GXYLT2: variants seen among roughly 807,000 people sequenced by gnomAD.
GXYLT2 encodes glucoside xylosyltransferase 2, also known as glycosyltransferase 8 domain containing 4.
Under a neutral mutation model 45.8 loss-of-function variants are expected in GXYLT2, and 53 were observed. The observed-to-expected ratio is 1.16, with a 90% confidence interval of 0.93 to 1.46. The LOEUF (loss-of-function observed/expected upper bound fraction) is 1.46, where lower values mean the gene tolerates loss of function less well. Among genes scored for constraint, GXYLT2 ranks in the 40% most tolerant of loss-of-function variants. The pLI is 0.00. For synonymous variants in GXYLT2, 219 were observed against 214.2 expected, an observed-to-expected ratio of 1.02 and a Z score of -0.19; for missense variants, 551 against 544.4, an observed-to-expected ratio of 1.01 and a Z score of -0.12.
At chr3:72,929,347 G>A (rs1314632832) in intron 3 of GXYLT2, 3 of 1,028,506 alleles carry the variant, frequency 2.9e-6, no homozygotes, top group Non-Finnish European at 4.6e-6. Context: ...ATGCGATGGA[G>A]TGTGCATTAC....
chr3:72,931,161 A>G (rs75828716), intron 3 of GXYLT2, among the ~76,000 whole-genome samples: 10 of 152,336 alleles, frequency 6.6e-5, no homozygotes, highest in African/African-American at 9.6e-5. Flanking sequence ...AGTCAATAAC[A>G]GAAAGAAATT....
intron 3 of GXYLT2, among the ~76,000 whole-genome samples, chr3:72,944,852 G>A (rs955514699): frequency 1.3e-5 from 2 of 152,080 alleles, no homozygotes; most frequent in South Asian, 4.1e-4. Flanking sequence ...TAAGGAAGTG[G>A]AATGATGTGC....
At chr3:72,897,170 C>T (rs576760367) in intron 1 of GXYLT2, among the ~76,000 whole-genome samples, 6 of 152,220 alleles carry the variant, frequency 3.9e-5, no homozygotes, top group East Asian at 3.9e-4. Flanking sequence ...TTCAGTTGCA[C>T]GTGATAGAAT....
chr3:72,918,709 G>T lies in GXYLT2; in HGVS notation c.469-3495G>T, dbSNP rs142558248. 2.0e-4 allele frequency among the ~76,000 whole-genome samples: 31 copies of T among 152,072 alleles called. No individual in the cohort carries two copies. In the East Asian group the frequency reaches 5.6e-3, roughly 28 times the overall value. On this transcript the variant is annotated intron_variant, in intron 2 of 6. Transcript: ENST00000389617. The stretch of plus-strand genomic sequence containing the variant: ...GGGCATAGTAGTGCGCGTCTACTCG[G>T]GAGGCTACTCGGGTAGGCTGAGGCA...
chr3:72,927,941 A>G (rs1246692340), intron 3 of GXYLT2, among the ~76,000 whole-genome samples: 1 of 152,246 alleles, frequency 6.6e-6, no homozygotes, highest in East Asian at 1.9e-4. Context: ...AAATTAATTT[A>G]TTGGCTTATC....
chr3:72,930,331 A>G (rs180685365), intron 3 of GXYLT2, among the ~76,000 whole-genome samples: 12 of 147,242 alleles, frequency 8.1e-5, no homozygotes, highest in African/African-American at 3.0e-4. Flanking sequence ...GTGAAACCTC[A>G]TCTCTCCTAA....
chr3:72,914,020 A>G (rs1207969215), intron 2 of GXYLT2, among the ~76,000 whole-genome samples: 1 of 152,164 alleles, frequency 6.6e-6, no homozygotes, highest in East Asian at 1.9e-4. Flanking sequence ...CCACTGGCAC[A>G]TGCTGAAGGG....
chr3:72,928,866 C>G (rs1019162970), intron 3 of GXYLT2, among the ~76,000 whole-genome samples: 1 of 152,198 alleles, frequency 6.6e-6, no homozygotes, highest in Non-Finnish European at 1.5e-5. Context: ...CGCCGGGAGT[C>G]GTCGGGGTTT....
intron 2 of GXYLT2, among the ~76,000 whole-genome samples, chr3:72,909,443 A>G (rs920266972): frequency 6.6e-6 from 1 of 152,028 alleles, no homozygotes; most frequent in African/African-American, 2.4e-5. Context: ...AATTACATAC[A>G]TATGTATGTA....
chr3:72,895,857 G>GC (rs1709280841), intron 1 of GXYLT2, among the ~76,000 whole-genome samples: 1 of 152,132 alleles, frequency 6.6e-6, no homozygotes, highest in Non-Finnish European at 1.5e-5. Context: ...ACTTTTAGAT[G>GC]ATCCCCCATC....
chr3:72,967,438 T>A, intron 5 of GXYLT2, 109 bp from the exon 6 acceptor site: 1 of 835,302 alleles, frequency 1.2e-6, no homozygotes. Flanking sequence ...CTCCTGTACT[T>A]TGAAATTACA....
intron 5 of GXYLT2, among the ~76,000 whole-genome samples, chr3:72,964,601 G>A (rs937668045): frequency 2.0e-5 from 3 of 152,300 alleles, no homozygotes; most frequent in South Asian, 2.1e-4. Flanking sequence ...GATTACAGGC[G>A]TGAGCCATTG....
In GXYLT2 at chr3:72,915,363, G is replaced by C. The variant is rs1276676245; in HGVS notation, c.468+6804G>C. On this transcript the variant is annotated intron_variant, in intron 2 of 6. Coordinates refer to ENST00000389617, the MANE Select transcript of GXYLT2 (RefSeq NM_001080393.2). The stretch of plus-strand genomic sequence containing the variant: ...CTTTTTTTTTTTTTTTTGCGGGGGG[G>C]GGGGGGATTTAGGAAAAATAGCCCA... Among the ~76,000 whole-genome samples, 17 of 134,910 alleles carry C rather than the reference G, an allele frequency of 1.3e-4. 1 individual carries two copies. The highest frequency in any genetic ancestry group is 2.6e-4 in the South Asian group (1 of 3,842). 88.5% of individuals were successfully genotyped at this position (134,910 alleles called of 152,430 possible).
At chr3:72,929,177 G>A in intron 3 of GXYLT2, 1 of 1,589,144 alleles carries the variant, frequency 6.3e-7, no homozygotes, top group South Asian at 1.1e-5. Flanking sequence ...TGACCGCGAT[G>A]ATGTGGCTTT....
rs7613265 is a variant in GXYLT2 at position 72,975,172 on chromosome 3, G to A, written c.*13G>A. On this transcript the variant is annotated 3_prime_UTR_variant, in exon 7 of 7. Transcript: ENST00000389617. ...CCAGATGCACTGAATATTTTGTCTT[G>A]TTGCAAGTCAATTAGGTGTCTTGTG... is the stretch of plus-strand genomic sequence containing the variant. 7.5e-6 allele frequency: 12 copies of A among 1,602,208 alleles called. No homozygotes were observed. In the African/African-American group the frequency reaches 1.5e-4, roughly 20 times the overall value.
chr3:72,890,687 C>T (rs1575770869), intron 1 of GXYLT2, among the ~76,000 whole-genome samples: 1 of 152,334 alleles, frequency 6.6e-6, no homozygotes, highest in East Asian at 1.9e-4. Flanking sequence ...GGCGCAGCAT[C>T]TTTTTGTGTC....
Position 72,888,405 on chromosome 3 carries a change from G to A in GXYLT2, c.172G>A (p.Gly58Ser), listed in dbSNP as rs1709108878. The change falls in exon 1 of 7, where the codon GGC becomes AGC. Residue 58 changes from glycine (G) to serine (S), a missense_variant. Coordinates refer to ENST00000389617, the MANE Select transcript of GXYLT2 (RefSeq NM_001080393.2). Reference protein sequence around the residue: ...APVPARWPGPGALPGASPGVR... With the variant: ...APVPARWPGPSALPGASPGVR... ...TGTCCCCGCGCGCTGGCCGGGGCCG[G>A]GCGCCCTCCCCGGGGCCAGCCCGGG... 2.9e-6 allele frequency: 3 copies of A among 1,018,398 alleles called. No individual in the cohort carries two copies. The highest frequency in any genetic ancestry group is 3.5e-6 in the Non-Finnish European group (3 of 853,406). 63.1% of individuals were successfully genotyped at this position (1,018,398 alleles called of 1,614,324 possible).
intron 1 of GXYLT2, among the ~76,000 whole-genome samples, chr3:72,889,739 C>CT (rs1395208960): frequency 6.6e-6 from 1 of 152,094 alleles, no homozygotes; most frequent in African/African-American, 2.4e-5. Context: ...GATGGGACAA[C>CT]TGGTAAGATA....
chr3:72,929,546 A>G (rs77625415), intron 3 of GXYLT2: 2 of 1,172,852 alleles, frequency 1.7e-6, no homozygotes, highest in Non-Finnish European at 2.5e-6. Flanking sequence ...CTGGCTCGGC[A>G]GAATATCTCT....
Sources: allele counts gnomAD v4.1 joint callset (sites outside exome capture counted in the v4.1 genomes callset), GRCh38; gene constraint gnomAD v4.1.1; transcripts MANE v1.5; gene names NCBI Gene and HGNC (gene_info 2026-07-23, HGNC 2026-07-21).